Variants in BCKDHB observed in about 807,000 individuals in gnomAD.
The protein encoded by BCKDHB is branched chain keto acid dehydrogenase E1 subunit beta.
A neutral mutation model predicts 48.5 loss-of-function variants in BCKDHB; 41 were observed. The observed-to-expected ratio is 0.85, with a 90% confidence interval of 0.66 to 1.10. The LOEUF is 1.10. Among genes scored for constraint, BCKDHB ranks in the 50% least tolerant of loss-of-function variants. The pLI, the probability that BCKDHB is intolerant of heterozygous loss-of-function variation, is 0.00. For missense variants in BCKDHB, 496 were observed against 494.2 expected, an observed-to-expected ratio of 1.00 and a Z score of -0.03; for synonymous variants, 201 against 174.8, an observed-to-expected ratio of 1.15 and a Z score of -1.18.
chr6:80,284,364 G>C (rs1304625443), intron 9 of BCKDHB, among the ~76,000 whole-genome samples: 1 of 152,072 alleles, frequency 6.6e-6, no homozygotes, highest in African/African-American at 2.4e-5. Flanking sequence ...AAATCATCTA[G>C]TTGATAATTG....
the BCKDHB span, among the ~76,000 whole-genome samples, chr6:80,418,391 T>G: frequency 1.3e-5 from 2 of 152,258 alleles, no homozygotes. Flanking sequence ...AGGGTTCTTG[T>G]GCTGATTCTT....
At chr6:80,230,575 T>C (rs1284581325) in intron 8 of BCKDHB, among the ~76,000 whole-genome samples, 2 of 152,202 alleles carry the variant, frequency 1.3e-5, no homozygotes, top group African/African-American at 4.8e-5. Context: ...ATGGTCTGTC[T>C]TAATTATTCA....
intron 9 of BCKDHB, among the ~76,000 whole-genome samples, chr6:80,325,084 A>G (rs1768965203): frequency 6.6e-6 from 1 of 152,212 alleles, no homozygotes; most frequent in Non-Finnish European, 1.5e-5. Context: ...TATAGAAAGT[A>G]CTATATAGTA....
intron 1 of BCKDHB, among the ~76,000 whole-genome samples, chr6:80,114,570 T>C (rs1239548895): frequency 6.6e-6 from 1 of 152,034 alleles, no homozygotes; most frequent in Non-Finnish European, 1.5e-5. Context: ...ATTTAAGCTA[T>C]ATTTTGGAAG....
At chr6:80,199,551 C>T (rs1237708148) in intron 6 of BCKDHB, among the ~76,000 whole-genome samples, 2 of 151,276 alleles carry the variant, frequency 1.3e-5, no homozygotes, top group Non-Finnish European at 2.9e-5. Context: ...CCTCGGGGGG[C>T]AGATCACCTG....
the BCKDHB span, among the ~76,000 whole-genome samples, chr6:80,442,649 G>C: frequency 2.0e-5 from 3 of 152,086 alleles, no homozygotes; most frequent in Non-Finnish European, 4.4e-5. Context: ...GAGAGAAAGA[G>C]GTTGAGGAAA....
chr6:80,167,266 T>G (rs1772624732), intron 3 of BCKDHB, among the ~76,000 whole-genome samples: 1 of 152,142 alleles, frequency 6.6e-6, no homozygotes, highest in Non-Finnish European at 1.5e-5. Context: ...TAACAACCTT[T>G]CTCTGTCTTT....
chr6:80,363,130 G>A, the BCKDHB span, among the ~76,000 whole-genome samples: 1 of 152,130 alleles, frequency 6.6e-6, no homozygotes, highest in African/African-American at 2.4e-5. Context: ...AGTCAGACAA[G>A]ATGCCCCAAG....
chr6:80,397,473 A>T, the BCKDHB span, among the ~76,000 whole-genome samples: 6 of 152,198 alleles, frequency 3.9e-5, no homozygotes, highest in African/African-American at 1.2e-4. Flanking sequence ...AGCAGAGGTA[A>T]TATCTTTTCA....
chr6:80,107,510 TGC>T (rs1475167855), intron 1 of BCKDHB, among the ~76,000 whole-genome samples: 1 of 117,704 alleles, frequency 8.5e-6, no homozygotes, highest in African/African-American at 3.6e-5. Context: ...CATATATATG[TGC>T]GCATATATAT....
At chr6:80,460,427 A>G in the BCKDHB span, among the ~76,000 whole-genome samples, 7 of 152,180 alleles carry the variant, frequency 4.6e-5, no homozygotes, top group African/African-American at 1.7e-4. Context: ...CTTTAAGGGC[A>G]CACAGCAGGA....
At chr6:80,246,398 G>A (rs141484050) in intron 8 of BCKDHB, among the ~76,000 whole-genome samples, 2 of 152,246 alleles carry the variant, frequency 1.3e-5, no homozygotes, top group East Asian at 1.9e-4. Flanking sequence ...AACAATTGGG[G>A]CATCTTGTGG....
At chr6:80,209,971 A>T (rs1266829081) in intron 8 of BCKDHB, among the ~76,000 whole-genome samples, 1 of 152,016 alleles carries the variant, frequency 6.6e-6, no homozygotes, top group Non-Finnish European at 1.5e-5. Context: ...AGTCTTGAAA[A>T]GGTACACTAA....
At chr6:80,346,573 C>T (rs992351840), downstream of BCKDHB, among the ~76,000 whole-genome samples, 10 of 152,106 alleles carry the variant, frequency 6.6e-5, no homozygotes, top group Non-Finnish European at 1.0e-4. Context: ...GCCTCTCTTC[C>T]GTGAGATGGA....
At chr6:80,267,744 T>G (rs986743889) in intron 8 of BCKDHB, among the ~76,000 whole-genome samples, 2 of 152,150 alleles carry the variant, frequency 1.3e-5, no homozygotes, top group Non-Finnish European at 2.9e-5. Flanking sequence ...AGTATTTCAG[T>G]TCTGATTATA....
chr6:80,279,153 G>A (rs1376543265), intron 9 of BCKDHB, among the ~76,000 whole-genome samples: 1 of 151,334 alleles, frequency 6.6e-6, no homozygotes, highest in African/African-American at 2.4e-5. Flanking sequence ...TTTTTGTTTT[G>A]TTTTGTTTTT....
the BCKDHB span, chr6:80,356,830 T>C: frequency 6.6e-6 from 1 of 151,940 alleles, no homozygotes; most frequent in East Asian, 1.9e-4. Flanking sequence ...CTGGAATCAA[T>C]AAAATATGGT....
chr6:80,445,612 A>G, the BCKDHB span, among the ~76,000 whole-genome samples: 10 of 152,180 alleles, frequency 6.6e-5, no homozygotes, highest in Admixed American at 6.5e-4. Flanking sequence ...GGTGTGGCTG[A>G]TTTTAAGGAG....
chr6:80,415,816 C>A, the BCKDHB span, among the ~76,000 whole-genome samples: 1 of 151,818 alleles, frequency 6.6e-6, no homozygotes, highest in Non-Finnish European at 1.5e-5. Flanking sequence ...CCTTCTTTCT[C>A]AATTTTTTGG....
Sources: allele counts gnomAD v4.1 joint callset (sites outside exome capture counted in the v4.1 genomes callset), GRCh38; gene constraint gnomAD v4.1.1; transcripts MANE v1.5; gene names NCBI Gene and HGNC (gene_info 2026-07-23, HGNC 2026-07-21).